The following PBX3 variants were observed in gnomAD, a reference collection of about 807,000 sequenced individuals.
PBX3 encodes PBX homeobox 3.
In PBX3, 14 loss-of-function variants were observed where a neutral mutation model predicts 48.5. The ratio of observed to expected loss-of-function variants is 0.29; its 90% CI spans 0.19 to 0.45. The LOEUF (loss-of-function observed/expected upper bound fraction) is 0.45. Among genes scored for constraint, PBX3 ranks in the 20% least tolerant of loss-of-function variants. PBX3 has a pLI of 1.00. For synonymous variants in PBX3, 210 were observed against 200.3 expected, an observed-to-expected ratio of 1.05 and a Z score of -0.41; for missense variants, 386 against 546.7, an observed-to-expected ratio of 0.71 and a Z score of 2.93.
intron 2 of PBX3, among the ~76,000 whole-genome samples, chr9:125,809,347 A>G (rs1333813788): frequency 6.6e-6 from 1 of 152,162 alleles, no homozygotes. Context: ...CTTGGGAAAA[A>G]ATCTTTTTTC....
chr9:125,882,122 A>G (rs1167224350), intron 2 of PBX3, among the ~76,000 whole-genome samples: 3 of 151,908 alleles, frequency 2.0e-5, no homozygotes, highest in East Asian at 3.9e-4. Flanking sequence ...CCTAGCTACT[A>G]TGGAGGATGA....
At chr9:125,798,964 G>A (rs1218790184) in intron 2 of PBX3, among the ~76,000 whole-genome samples, 1 of 151,886 alleles carries the variant, frequency 6.6e-6, no homozygotes, top group African/African-American at 2.4e-5. Context: ...CTATTAGAAT[G>A]AATTTTACTC....
chr9:125,752,586 A>C (rs192187243), intron 2 of PBX3, among the ~76,000 whole-genome samples: 2 of 133,336 alleles, frequency 1.5e-5, no homozygotes, highest in Admixed American at 1.4e-4. Flanking sequence ...ACACCTCTCT[A>C]TTTAATTGTG....
At chr9:125,781,326 C>T (rs564065766) in intron 2 of PBX3, among the ~76,000 whole-genome samples, 156 of 151,854 alleles carry the variant, frequency 1.0e-3, no homozygotes, top group Non-Finnish European at 1.8e-3. Context: ...GAGACCAGCC[C>T]GGCCAACACA....
intron 2 of PBX3, among the ~76,000 whole-genome samples, chr9:125,898,079 A>G (rs985711837): frequency 4.0e-5 from 6 of 151,804 alleles, no homozygotes; most frequent in Admixed American, 3.9e-4. Context: ...TGGAATTGAT[A>G]AATAATGAGG....
chr9:125,877,199 A>G (rs953645445), intron 2 of PBX3, among the ~76,000 whole-genome samples: 1 of 152,250 alleles, frequency 6.6e-6, no homozygotes, highest in Admixed American at 6.5e-5. Context: ...TTAAATAAAC[A>G]TTTGTTGAAT....
chr9:125,956,510 G>A (rs931371663), intron 5 of PBX3, among the ~76,000 whole-genome samples: 1 of 152,168 alleles, frequency 6.6e-6, no homozygotes, highest in Non-Finnish European at 1.5e-5. Flanking sequence ...TAGTGTATGC[G>A]AGAGACCAGA....
At chr9:125,778,376 G>A (rs546879280) in intron 2 of PBX3, among the ~76,000 whole-genome samples, 46 of 151,982 alleles carry the variant, frequency 3.0e-4, no homozygotes, top group African/African-American at 1.1e-3. Context: ...CTCTGCCTCA[G>A]CCTCCCGAAT....
At chr9:125,944,288 G>A (rs1378447427) in intron 5 of PBX3, among the ~76,000 whole-genome samples, 1 of 152,164 alleles carries the variant, frequency 6.6e-6, no homozygotes, top group East Asian at 1.9e-4. Flanking sequence ...AATAAGTGTG[G>A]GTTTTGAGAG....
At chr9:125,800,394 A>G (rs531292055) in intron 2 of PBX3, among the ~76,000 whole-genome samples, 1 of 152,354 alleles carries the variant, frequency 6.6e-6, no homozygotes, top group South Asian at 2.1e-4. Context: ...GGGAGTTCTT[A>G]CACTGTAATG....
intron 2 of PBX3, among the ~76,000 whole-genome samples, chr9:125,822,944 T>C (rs1405591016): frequency 6.6e-6 from 1 of 151,648 alleles, no homozygotes; most frequent in African/African-American, 2.4e-5. Context: ...ATATAACTTG[T>C]GGGGTTTTTT....
chr9:125,766,237 T>C (rs1836797717), intron 2 of PBX3, among the ~76,000 whole-genome samples: 1 of 152,094 alleles, frequency 6.6e-6, no homozygotes, highest in Admixed American at 6.5e-5. Context: ...CTTCTAATTC[T>C]TTACATATAA....
At chr9:125,757,616 T>C (rs1474794083) in intron 2 of PBX3, among the ~76,000 whole-genome samples, 1 of 152,222 alleles carries the variant, frequency 6.6e-6, no homozygotes, top group Non-Finnish European at 1.5e-5. Flanking sequence ...CTGTCAGTAC[T>C]GGTAAGAACA....
intron 2 of PBX3, among the ~76,000 whole-genome samples, chr9:125,865,665 T>C (rs931446036): frequency 6.6e-6 from 1 of 152,160 alleles, no homozygotes; most frequent in African/African-American, 2.4e-5. Flanking sequence ...ACATTTCCCT[T>C]TTCAAAAGAC....
chr9:125,747,840 CA>C (rs1288141623), intron 1 of PBX3, among the ~76,000 whole-genome samples, 187 bp downstream of exon 1: 1 of 151,656 alleles, frequency 6.6e-6, no homozygotes, highest in Non-Finnish European at 1.5e-5. Flanking sequence ...CGGGAGTCGG[CA>C]AAGTTGCTCT....
intron 2 of PBX3, among the ~76,000 whole-genome samples, chr9:125,766,918 A>T (rs2131990183): frequency 9.3e-6 from 1 of 107,606 alleles, no homozygotes; most frequent in East Asian, 3.0e-4. Context: ...ATTTAGCATG[A>T]TTGGGAACAG....
chr9:125,939,095 C>A (rs1841903147), intron 5 of PBX3, among the ~76,000 whole-genome samples: 1 of 152,148 alleles, frequency 6.6e-6, no homozygotes, highest in South Asian at 2.1e-4. Flanking sequence ...TACAAATATT[C>A]TTTATGCTAT....
intron 4 of PBX3, among the ~76,000 whole-genome samples, chr9:125,931,342 A>C (rs369625146): frequency 6.6e-6 from 1 of 152,182 alleles, no homozygotes; most frequent in East Asian, 1.9e-4. Context: ...CACTCCACCC[A>C]GGCTGGAGTG....
At chr9:125,868,899 C>T (rs1277875554) in intron 2 of PBX3, among the ~76,000 whole-genome samples, 2 of 151,996 alleles carry the variant, frequency 1.3e-5, no homozygotes, top group African/African-American at 4.8e-5. Context: ...TAAAAATTCA[C>T]ACAGATGAAT....
Sources: gnomAD v4.1 joint callset for allele counts (sites outside exome capture counted in the v4.1 genomes callset) on GRCh38, gnomAD v4.1.1 for gene constraint, MANE v1.5 for transcripts, NCBI Gene and HGNC (gene_info 2026-07-23, HGNC 2026-07-21) for gene names.